TTC8: variants seen among roughly 807,000 people sequenced by gnomAD.
The protein encoded by TTC8 is tetratricopeptide repeat protein 8.
A neutral mutation model predicts 72.5 loss-of-function variants in TTC8; 47 were observed. The ratio of observed to expected loss-of-function variants is 0.65; its 90% CI spans 0.51 to 0.83. The LOEUF is 0.83. TTC8 is among the 40% of genes least tolerant of loss of function. The pLI is 0.00. For synonymous variants in TTC8, 199 were observed against 221.4 expected (o/e 0.90, Z 0.90); for missense variants, 611 against 623.2 (o/e 0.98, Z 0.21).
intron 10 of TTC8, 35 bp from the exon 11 acceptor site, chr14:88,870,024 A>G (rs1251346220): frequency 5.0e-6 from 8 of 1,609,106 alleles, no homozygotes; most frequent in Non-Finnish European, 6.8e-6. Context: ...TCCAATATTA[A>G]TAAAATATTG....
chr14:88,863,230 G>A (rs1236621199), intron 10 of TTC8, among the ~76,000 whole-genome samples: 2 of 152,212 alleles, frequency 1.3e-5, no homozygotes, highest in East Asian at 1.9e-4. Flanking sequence ...GAGATTCAGT[G>A]ATTTACTGGG....
chr14:88,850,041 TA>T (rs971566428), intron 7 of TTC8, among the ~76,000 whole-genome samples: 2 of 152,232 alleles, frequency 1.3e-5, no homozygotes, highest in East Asian at 3.9e-4. Context: ...CTTACTGCTT[TA>T]AAAAAATGGC....
In TTC8 at chr14:88,850,727, A is replaced by C. The variant is rs1403654066; in HGVS notation, c.625-2244A>C. Among the ~76,000 whole-genome samples the C allele has an allele frequency of 2.6e-5, 4 of 152,218 alleles. No homozygotes were observed. In the East Asian group the frequency reaches 7.7e-4, roughly 29 times the overall value. ...GAAATTGTCACAAATGTTTTTCTTT[A>C]GTGCCAGTGAGGACAGAAAAACCAA... On this transcript the variant is annotated intron_variant, in intron 7 of 14. Transcript: ENST00000380656.
intron 1 of TTC8, chr14:88,830,904 C>A (rs1399498999): frequency 6.6e-6 from 3 of 456,090 alleles, no homozygotes; most frequent in South Asian, 4.6e-5. Context: ...TCCACAGAGC[C>A]ATGCCTGTCC....
In TTC8 at chr14:88,840,783, C is replaced by G. The variant is rs74729183; in HGVS notation, c.266-82C>G. 8.0e-3 allele frequency: 11,310 copies of G among 1,414,658 alleles called. 960 individuals carry two copies. In the Admixed American group the frequency reaches 0.16, roughly 20 times the overall value. The allele number at this position is 1,414,658 out of a possible 1,614,324, so 87.6% of individuals were successfully genotyped here. The stretch of plus-strand genomic sequence containing the variant: ...TAATGTCTTTTTCACCAGGCCAGCG[C>G]AATTCTGAAAATTGTATTAGCTTAC... On this transcript the variant is annotated intron_variant, in intron 3 of 14. Transcript: ENST00000380656.
At chr14:88,835,324 T>C (rs1382367131) in intron 2 of TTC8, among the ~76,000 whole-genome samples, 1 of 152,242 alleles carries the variant, frequency 6.6e-6, no homozygotes, top group Non-Finnish European at 1.5e-5. Flanking sequence ...TTTTTATAAC[T>C]AAAACTGAAC....
chr14:88,836,686 G>A (rs1186755232), intron 2 of TTC8, among the ~76,000 whole-genome samples: 1 of 152,084 alleles, frequency 6.6e-6, no homozygotes, highest in African/African-American at 2.4e-5. Flanking sequence ...TGAAATAACA[G>A]TATGAATTTG....
intron 1 of TTC8, among the ~76,000 whole-genome samples, chr14:88,833,203 A>G (rs1440983387): frequency 1.3e-5 from 2 of 151,822 alleles, no homozygotes; most frequent in African/African-American, 4.8e-5. Flanking sequence ...TAAATTTGTT[A>G]TAAGTCTGAT....
At chr14:88,872,491 T>A (rs1182319119) in intron 13 of TTC8, 39 bp downstream of exon 13, 1 of 1,611,468 alleles carries the variant, frequency 6.2e-7, no homozygotes, top group Non-Finnish European at 8.5e-7. Context: ...CAGTCTGCTT[T>A]CTTCAGAGAA....
At chr14:88,841,266 A>T (rs375853739) in intron 5 of TTC8, 70 bp downstream of exon 5, 15 of 1,602,142 alleles carry the variant, frequency 9.4e-6, no homozygotes, top group East Asian at 6.7e-5. Context: ...ATATTATGGT[A>T]TATCATTTTC....
intron 10 of TTC8, among the ~76,000 whole-genome samples, chr14:88,864,865 T>G (rs1193169310): frequency 2.0e-5 from 3 of 152,198 alleles, no homozygotes; most frequent in Non-Finnish European, 4.4e-5. Context: ...AGTAAATTGG[T>G]TTTAGCACCG....
intron 10 of TTC8, among the ~76,000 whole-genome samples, chr14:88,864,523 T>A (rs2094901652): frequency 6.6e-6 from 1 of 152,200 alleles, no homozygotes; most frequent in African/African-American, 2.4e-5. Context: ...AAGAATTCCT[T>A]CCAAGCCTCT....
chr14:88,847,070 A>C (rs886305682), intron 7 of TTC8, among the ~76,000 whole-genome samples: 2 of 152,160 alleles, frequency 1.3e-5, no homozygotes, highest in South Asian at 4.1e-4. Flanking sequence ...ATTATTAAAT[A>C]AGGACTTCTG....
chr14:88,830,700 C>T (rs1170503817), intron 1 of TTC8, among the ~76,000 whole-genome samples: 3 of 152,210 alleles, frequency 2.0e-5, no homozygotes, highest in East Asian at 3.9e-4. Context: ...GCTTTCTGCT[C>T]AACTGCGCTG....
intron 1 of TTC8, among the ~76,000 whole-genome samples, chr14:88,827,683 AT>A (rs1393059756): frequency 1.3e-5 from 2 of 152,102 alleles, no homozygotes; most frequent in Non-Finnish European, 2.9e-5. Flanking sequence ...CAGTTTCTGT[AT>A]TTTGCACCCA....
chr14:88,825,302 G>A (rs1566827123), intron 1 of TTC8, among the ~76,000 whole-genome samples: 1 of 152,176 alleles, frequency 6.6e-6, no homozygotes, highest in Non-Finnish European at 1.5e-5. Flanking sequence ...TGTTGTCCAA[G>A]AGTGAAGGAG....
intron 8 of TTC8, 49 bp downstream of exon 8, chr14:88,853,105 G>A (rs375554445): frequency 7.1e-7 from 1 of 1,413,748 alleles, no homozygotes; most frequent in Admixed American, 1.7e-5. Context: ...CGTATTTTAG[G>A]GTCTCAAATC....
At chr14:88,870,226 C>T in intron 11 of TTC8, 28 bp downstream of exon 11, 1 of 1,610,456 alleles carries the variant, frequency 6.2e-7, no homozygotes, top group African/African-American at 1.3e-5. Context: ...TTCTTAGAAC[C>T]ACTTTCCTGT....
chr14:88,848,900 C>G (rs1328386973), intron 7 of TTC8, among the ~76,000 whole-genome samples: 3 of 151,956 alleles, frequency 2.0e-5, no homozygotes, highest in African/African-American at 7.3e-5. Context: ...TAAAATTTTT[C>G]AACAATAATG....
Sources: allele counts gnomAD v4.1 joint callset (sites outside exome capture counted in the v4.1 genomes callset), GRCh38; gene constraint gnomAD v4.1.1; transcripts MANE v1.5; gene names NCBI Gene and HGNC (gene_info 2026-07-23, HGNC 2026-07-21).